GATB: variants seen among roughly 807,000 people sequenced by gnomAD.
The protein encoded by GATB is glutamyl-tRNA amidotransferase subunit B.
A neutral mutation model predicts 62.3 loss-of-function variants in GATB; 39 were observed. The observed-to-expected ratio is 0.63, with a 90% CI of 0.48 to 0.82. The LOEUF is 0.82. Among genes scored for constraint, GATB ranks in the 40% least tolerant of loss-of-function variants. GATB has a pLI of 0.00. For synonymous variants in GATB, 276 were observed against 258.9 expected, an observed-to-expected ratio of 1.07 and a Z score of -0.63; for missense variants, 670 against 684.0, an observed-to-expected ratio of 0.98 and a Z score of 0.23.
intron 2 of GATB, chr4:151,723,450 A>C (rs1025680116): frequency 1.3e-5 from 2 of 152,254 alleles, no homozygotes; most frequent in African/African-American, 4.8e-5. Flanking sequence ...TTAGCTATCA[A>C]GACTACTAAC....
intron 11 of GATB, among the ~76,000 whole-genome samples, chr4:151,679,259 C>T (rs1337569445): frequency 3.9e-5 from 6 of 152,186 alleles, no homozygotes; most frequent in Non-Finnish European, 8.8e-5. Context: ...AGCACTTAGG[C>T]AGAGGTATAG....
At chr4:151,702,569 T>C (rs1738627505) in intron 8 of GATB, among the ~76,000 whole-genome samples, 1 of 152,204 alleles carries the variant, frequency 6.6e-6, no homozygotes, top group Admixed American at 6.5e-5. Flanking sequence ...CTGTGGCACA[T>C]TAACAGGAGA....
At chr4:151,752,970 A>G (rs547719440) in intron 2 of GATB, among the ~76,000 whole-genome samples, 14 of 152,316 alleles carry the variant, frequency 9.2e-5, no homozygotes, top group African/African-American at 3.1e-4. Flanking sequence ...CACCATGTCA[A>G]TATCTCATGT....
At chr4:151,745,445 CG>C (rs1267257608) in intron 2 of GATB, among the ~76,000 whole-genome samples, 1 of 152,182 alleles carries the variant, frequency 6.6e-6, no homozygotes, top group Non-Finnish European at 1.5e-5. Flanking sequence ...TGTTCAGAGT[CG>C]GAATGCTGCA....
intron 9 of GATB, among the ~76,000 whole-genome samples, chr4:151,695,957 A>C (rs976103526): frequency 5.8e-5 from 5 of 86,820 alleles, no homozygotes; most frequent in Non-Finnish European, 1.1e-4. Context: ...TTTTTTGTAG[A>C]GATAGGGGTC....
intron 6 of GATB, 40 bp from the exon 7 acceptor site, chr4:151,705,309 T>C (rs1399106548): frequency 2.4e-6 from 3 of 1,269,116 alleles, no homozygotes. Flanking sequence ...ATTTTGATTA[T>C]ACCTTTCATC....
At chr4:151,675,894 C>T (rs1737990178) in intron 11 of GATB, 1 of 152,272 alleles carries the variant, frequency 6.6e-6, no homozygotes, top group South Asian at 2.1e-4. Flanking sequence ...TACACACCCT[C>T]TTAGTTGCCA....
chr4:151,744,743 A>G (rs1252581323), intron 2 of GATB, among the ~76,000 whole-genome samples: 1 of 152,160 alleles, frequency 6.6e-6, no homozygotes, highest in Non-Finnish European at 1.5e-5. Context: ...AAAAAGATCT[A>G]TGGCAGGGAA....
chr4:151,672,014 C>T (rs888598639), intron 12 of GATB, among the ~76,000 whole-genome samples: 5 of 152,192 alleles, frequency 3.3e-5, no homozygotes, highest in African/African-American at 9.7e-5. Context: ...GGCAGGAAGA[C>T]GAGGCTGTGG....
chr4:151,716,349 CA>C, intron 4 of GATB: 1 of 494,098 alleles, frequency 2.0e-6, no homozygotes, highest in Admixed American at 3.9e-5. Context: ...GTGGCATGAT[CA>C]TAGCTCACTG....
At chr4:151,705,894 C>G (rs1261123815) in intron 6 of GATB, among the ~76,000 whole-genome samples, 1 of 151,926 alleles carries the variant, frequency 6.6e-6, no homozygotes, top group Non-Finnish European at 1.5e-5. Flanking sequence ...TAGTCTCAAT[C>G]TCTTGGTCTC....
intron 2 of GATB, among the ~76,000 whole-genome samples, chr4:151,745,399 GTTCTTCA>G (rs1372524572): frequency 6.6e-6 from 1 of 152,180 alleles, no homozygotes; most frequent in Non-Finnish European, 1.5e-5. Context: ...AATCTAGCAG[GTTCTTCA>G]AAACAAAAGT....
intron 12 of GATB, among the ~76,000 whole-genome samples, chr4:151,671,945 CAA>C (rs1377926587): frequency 6.6e-6 from 1 of 152,144 alleles, no homozygotes; most frequent in Non-Finnish European, 1.5e-5. Context: ...GATCTGCACT[CAA>C]GTGCCACAGA....
At chr4:151,686,628 TTC>T (rs1421924462) in intron 10 of GATB, among the ~76,000 whole-genome samples, 13 of 147,948 alleles carry the variant, frequency 8.8e-5, no homozygotes, top group African/African-American at 3.3e-4. Flanking sequence ...CTCCCTTGGC[TTC>T]TGTGTCACCA....
intron 11 of GATB, among the ~76,000 whole-genome samples, chr4:151,678,628 C>CTTTTTTTTTTTTTTTTTTTTTT (rs1578894533): frequency 6.6e-6 from 1 of 152,120 alleles, no homozygotes; most frequent in East Asian, 1.9e-4. Flanking sequence ...GTAAACAGAG[C>CTTTTTTTTTTTTTTTTTTTTTT]TTTTATTAGT....
At chr4:151,751,729 T>A (rs1219473649) in intron 2 of GATB, among the ~76,000 whole-genome samples, 3 of 152,258 alleles carry the variant, frequency 2.0e-5, no homozygotes, top group Non-Finnish European at 4.4e-5. Context: ...ATTTCCTTTC[T>A]TGAACATTTT....
At chr4:151,734,392 G>A (rs1739327898) in intron 2 of GATB, among the ~76,000 whole-genome samples, 1 of 150,706 alleles carries the variant, frequency 6.6e-6, no homozygotes, top group Non-Finnish European at 1.5e-5. Flanking sequence ...TAACAAAAGA[G>A]TTGAAGGACC....
chr4:151,738,746 A>G (rs888151327), intron 2 of GATB, among the ~76,000 whole-genome samples: 1 of 152,254 alleles, frequency 6.6e-6, no homozygotes, highest in African/African-American at 2.4e-5. Flanking sequence ...GAGTGACTAC[A>G]GGCATCTTAA....
Position 151,716,875 on chromosome 4 carries a change from C to T in GATB, c.640+1G>A. The T allele has an allele frequency of 6.2e-7, 1 of 1,614,084 alleles. No homozygotes were observed. Among genetic ancestry groups the T allele is most frequent in the Non-Finnish European group, 8.5e-7 (1 of 1,179,936 alleles). On this transcript the variant is annotated splice_donor_variant, in intron 4 of 12. Coordinates refer to ENST00000263985, the MANE Select transcript of GATB (RefSeq NM_004564.3). LOFTEE classifies it high-confidence loss of function. The stretch of plus-strand genomic sequence containing the variant: ...AAATAATGAAAACACTCCAAGCCTA[C>T]CTGCCCTGTTCAAATCAATGAGCGT...
Sources: allele counts gnomAD v4.1 joint callset (sites outside exome capture counted in the v4.1 genomes callset), GRCh38; gene constraint gnomAD v4.1.1; transcripts MANE v1.5; gene names NCBI Gene and HGNC (gene_info 2026-07-23, HGNC 2026-07-21).